ABCA12: variants seen among roughly 807,000 people sequenced by gnomAD.
ABCA12 encodes the protein ATP binding cassette subfamily A member 12, also known as glucosylceramide transporter ABCA12.
In ABCA12, 156 loss-of-function variants were observed where a neutral mutation model predicts 293.5. That is an observed-to-expected ratio of 0.53 (90% confidence interval 0.47 to 0.61). ABCA12 has a LOEUF of 0.61. Ranked by LOEUF, ABCA12 falls within the 20% of genes least tolerant of loss-of-function variation. ABCA12 has a pLI of 0.00. For synonymous variants in ABCA12, 1,063 were observed against 1,108.0 expected (o/e 0.96, Z 0.81); for missense variants, 2,797 against 3,090.2 (o/e 0.91, Z 2.25).
chr2:214,969,241 T>C (rs539647470), intron 37 of ABCA12, among the ~76,000 whole-genome samples: 1 of 152,206 alleles, frequency 6.6e-6, no homozygotes, highest in Middle Eastern at 3.4e-3. Flanking sequence ...TCCCCTATAT[T>C]GTCCCCAGAC....
intron 38 of ABCA12, among the ~76,000 whole-genome samples, chr2:214,967,986 A>G (rs1468190924): frequency 6.6e-6 from 1 of 152,186 alleles, no homozygotes; most frequent in Non-Finnish European, 1.5e-5. Flanking sequence ...AGGAAAAATA[A>G]GTGAGCAGAA....
chr2:215,109,444 A>G (rs1019383883), intron 2 of ABCA12, among the ~76,000 whole-genome samples: 2 of 152,198 alleles, frequency 1.3e-5, no homozygotes, highest in Non-Finnish European at 2.9e-5. Context: ...TATTTTTTAG[A>G]CTGAGTCTGA....
At chr2:215,079,479 A>T (rs1450383779) in intron 2 of ABCA12, among the ~76,000 whole-genome samples, 1 of 152,250 alleles carries the variant, frequency 6.6e-6, no homozygotes, top group Non-Finnish European at 1.5e-5. Flanking sequence ...GATATCTGAA[A>T]GCTTGAACTG....
intron 2 of ABCA12, among the ~76,000 whole-genome samples, chr2:215,100,084 G>C (rs756657602): frequency 2.2e-4 from 33 of 150,860 alleles, no homozygotes; most frequent in Non-Finnish European, 3.5e-4. Flanking sequence ...GCACAATCAT[G>C]GCTCACTGCA....
intron 52 of ABCA12, 148 bp from the exon 53 acceptor site, chr2:214,932,889 G>C: frequency 1.5e-6 from 1 of 675,000 alleles, no homozygotes; most frequent in Non-Finnish European, 2.7e-6. Flanking sequence ...CCAAATCCTA[G>C]TTTTATACAT....
At chr2:215,091,609 C>T (rs571815891) in intron 2 of ABCA12, among the ~76,000 whole-genome samples, 1 of 152,174 alleles carries the variant, frequency 6.6e-6, no homozygotes, top group Non-Finnish European at 1.5e-5. Flanking sequence ...ACCCAATCCA[C>T]TCTCGACATT....
At chr2:215,120,179 C>A (rs1486752423) in intron 1 of ABCA12, among the ~76,000 whole-genome samples, 1 of 152,048 alleles carries the variant, frequency 6.6e-6, no homozygotes, top group Non-Finnish European at 1.5e-5. Flanking sequence ...GAACAGAAAA[C>A]TAAATACTCT....
chr2:214,998,937 C>A (rs1406584797), intron 22 of ABCA12, among the ~76,000 whole-genome samples: 1 of 152,166 alleles, frequency 6.6e-6, no homozygotes, highest in East Asian at 1.9e-4. Flanking sequence ...AAGGCCATTT[C>A]CTTTTTTAAT....
chr2:215,079,175 C>T (rs1701889792), intron 2 of ABCA12, among the ~76,000 whole-genome samples: 1 of 152,148 alleles, frequency 6.6e-6, no homozygotes, highest in Admixed American at 6.6e-5. Flanking sequence ...AAATCGCAAC[C>T]CTCATACCAT....
chr2:214,989,568 G>T lies in ABCA12; in HGVS notation c.3678C>A (p.Tyr1226Ter). The change falls in exon 25 of 53, where the codon TAC (tyrosine) becomes TAA (stop). Residue 1226 changes from tyrosine to a stop codon, truncating the protein, a stop_gained. Transcript: ENST00000272895. LOFTEE classifies it high-confidence loss of function. ...GGGACCTACCAATGCCCTGTTCTTC[G>T]TATCGTGCAATGTATTGGCTTGCAT... Reference protein sequence around the residue: ...FSYASQYIARYEEQGIGLQWE... With the variant: ...FSYASQYIAR 6.2e-7 allele frequency: 1 copy of T among 1,614,060 alleles called. No individual in the cohort carries two copies. The highest frequency in any genetic ancestry group is 8.5e-7 in the Non-Finnish European group (1 of 1,179,966).
chr2:214,984,684 A>T (rs1373231700), intron 28 of ABCA12, among the ~76,000 whole-genome samples: 1 of 152,104 alleles, frequency 6.6e-6, no homozygotes, highest in Non-Finnish European at 1.5e-5. Flanking sequence ...TGATAAATTC[A>T]TACACTGGTT....
intron 50 of ABCA12, among the ~76,000 whole-genome samples, chr2:214,942,140 G>T (rs1698426778): frequency 6.6e-6 from 1 of 151,918 alleles, no homozygotes; most frequent in Non-Finnish European, 1.5e-5. Flanking sequence ...TTGGAGATTT[G>T]GTGTCATCAA....
intron 2 of ABCA12, among the ~76,000 whole-genome samples, chr2:215,106,394 A>G (rs1702464836): frequency 6.6e-6 from 1 of 152,136 alleles, no homozygotes; most frequent in Non-Finnish European, 1.5e-5. Context: ...AATAAGTGGT[A>G]TGAGGAAGAA....
chr2:215,091,652 C>T (rs1559189109), intron 2 of ABCA12, among the ~76,000 whole-genome samples: 1 of 152,182 alleles, frequency 6.6e-6, no homozygotes, highest in Non-Finnish European at 1.5e-5. Context: ...TTCTGGCCCT[C>T]AAACCCCACA....
chr2:215,047,953 G>C (rs1410774851), intron 6 of ABCA12, among the ~76,000 whole-genome samples: 1 of 149,292 alleles, frequency 6.7e-6, no homozygotes, highest in East Asian at 1.9e-4. Flanking sequence ...ACATCTATAA[G>C]GAAGTTCAAC....
At chr2:215,106,701 G>A (rs1213779010) in intron 2 of ABCA12, among the ~76,000 whole-genome samples, 1 of 145,150 alleles carries the variant, frequency 6.9e-6, no homozygotes, top group African/African-American at 2.6e-5. Flanking sequence ...GTTCATCCCT[G>A]TTATTACTTG....
At chr2:214,969,533 T>G (rs1699339956) in intron 37 of ABCA12, among the ~76,000 whole-genome samples, 1 of 152,060 alleles carries the variant, frequency 6.6e-6, no homozygotes, top group African/African-American at 2.4e-5. Context: ...TAATTCACTT[T>G]TTTCAAAGGC....
chr2:214,978,253 T>C, intron 33 of ABCA12, 63 bp downstream of exon 33: 1 of 1,589,530 alleles, frequency 6.3e-7, no homozygotes. Context: ...AAAGTCTGTC[T>C]GTGATTTTTC....
Position 214,982,270 on chromosome 2 carries a change from A to T in ABCA12, c.4496T>A (p.Val1499Glu). ...AGTAGATGGTTCATCCAAAATTACT[A>T]CCCTTGATCCACCAATGAGAGCTAT... ...ISIALIGGSRVVILDEPSTGV... is the reference protein window; with the variant it reads ...ISIALIGGSREVILDEPSTGV... Residue 1499 changes from valine (V) to glutamate (E), a missense_variant, in exon 30 of 53, where the codon GTA becomes GAA. Val to Glu is a moderately radical substitution (Grantham distance 121, BLOSUM62 -2). Around this residue, in one of 3 missense-constraint regions of ABCA12, gnomAD observed 2,130 missense variants for 2,427.0 expected, o/e 0.88. Transcript: ENST00000272895. The T allele has an allele frequency of 6.2e-7, 1 of 1,614,008 alleles. No homozygotes were observed.
Sources: gnomAD v4.1 joint callset for allele counts (sites outside exome capture counted in the v4.1 genomes callset) on GRCh38, gnomAD v4.1.1 for gene constraint, gnomAD v4.1.1 regional missense constraint, MANE v1.5 for transcripts, NCBI Gene and HGNC (gene_info 2026-07-23, HGNC 2026-07-21) for gene names.